DEPDC7: variants seen among roughly 807,000 people sequenced by gnomAD.
DEPDC7 encodes DEP domain-containing protein 7.
A neutral mutation model predicts 56.6 loss-of-function variants in DEPDC7; 41 were observed. That is an observed-to-expected ratio of 0.72 (90% CI 0.56 to 0.94). DEPDC7 has a LOEUF of 0.94. DEPDC7 is among the 40% of genes least tolerant of loss of function. The pLI is 0.00. For missense variants in DEPDC7, 522 were observed against 596.3 expected, an observed-to-expected ratio of 0.88 and a Z score of 1.30; for synonymous variants, 185 against 208.8, an observed-to-expected ratio of 0.89 and a Z score of 0.98.
At chr11:33,027,931 T>C (rs1853595345) in intron 3 of DEPDC7, 118 bp downstream of exon 3, 6 of 1,033,592 alleles carry the variant, frequency 5.8e-6, no homozygotes, top group Non-Finnish European at 8.0e-6. Flanking sequence ...AAGAGTGCAC[T>C]ATGTATTAAA....
At chr11:33,023,283 G>A (rs939310288) in intron 1 of DEPDC7, among the ~76,000 whole-genome samples, 1 of 152,008 alleles carries the variant, frequency 6.6e-6, no homozygotes, top group African/African-American at 2.4e-5. Context: ...ATAATAATGG[G>A]TAGGTGGTAA....
At position 33,031,561 on chromosome 11, in the gene DEPDC7, C is replaced by T. The variant is rs966191; in HGVS notation, c.966C>T (p.Asp322=). ...AACCTCTGTTAAATCACTTATCTGA[C>T]GTTCATAATGGAATTGCAGAACTCT... ...SREPLLNHLS[D]VHNGIAELLV... The change falls in exon 5 of 9, where the codon GAC becomes GAT. Residue 322 remains aspartate (D), a synonymous_variant. Transcript: ENST00000241051. 645,031 of 1,610,984 alleles carry T rather than the reference C, an allele frequency of 0.4. 131,014 individuals carry two copies. The highest frequency in any genetic ancestry group is 0.44 in the African/African-American group (33,171 of 74,870).
At position 33,032,911 on chromosome 11, in the gene DEPDC7, T is replaced by C. The variant is rs1853648471; in HGVS notation, c.1286T>C (p.Ile429Thr). 6.2e-7 allele frequency: 1 copy of C among 1,604,570 alleles called. No individual in the cohort carries two copies. ...AAGATTCCTGGAACTCTACATAAAA[T>C]TGTAAGTGTTAAGCTTATGGCCATA... Reference protein sequence around the residue: ...VFKIPGTLHKIVSVKLMAIQN... With the variant: ...VFKIPGTLHKTVSVKLMAIQN... The change falls in exon 8 of 9, where the codon ATT becomes ACT. Residue 429 changes from isoleucine (I) to threonine (T), a missense_variant. Transcript: ENST00000241051.
chr11:33,020,000 C>A (rs2133658006), intron 1 of DEPDC7, among the ~76,000 whole-genome samples: 1 of 151,246 alleles, frequency 6.6e-6, no homozygotes, highest in South Asian at 2.1e-4. Flanking sequence ...ACATTGGGAT[C>A]CAATTTTATA....
At chr11:33,016,410 C>A in intron 1 of DEPDC7, 1 of 1,522,484 alleles carries the variant, frequency 6.6e-7, no homozygotes, top group South Asian at 1.3e-5. Context: ...TAGTTCTTTG[C>A]CCCCTGTCTC....
Position 33,028,783 on chromosome 11 carries a change from G to T in DEPDC7, c.773G>T (p.Ser258Ile), listed in dbSNP as rs1318919695. 6.2e-7 allele frequency: 1 copy of T among 1,605,790 alleles called. No individual in the cohort carries two copies. The highest frequency in any genetic ancestry group is 1.3e-5 in the African/African-American group (1 of 74,460). Reference sequence around the variant, plus strand: ...GATCGAGGGATTCTCAAGGCTTATAGTGACTCTCAGTATGTGGAAATACAT... The same window carrying T: ...GATCGAGGGATTCTCAAGGCTTATATTGACTCTCAGTATGTGGAAATACAT... ...YLDRGILKAY[S>I]DSQEDEWLSA... The change falls in exon 4 of 9, where the codon AGT becomes ATT. Residue 258 changes from serine (S) to isoleucine (I), a missense_variant. By Grantham distance (142) the Ser-to-Ile change is moderately radical. Coordinates refer to ENST00000241051, the MANE Select transcript of DEPDC7 (RefSeq NM_001077242.2).
intron 3 of DEPDC7, 101 bp downstream of exon 3, chr11:33,027,914 A>G: frequency 8.0e-7 from 1 of 1,252,894 alleles, no homozygotes; most frequent in Non-Finnish European, 1.1e-6. Flanking sequence ...TATTCAAAGT[A>G]CAGAGAAAGA....
chr11:33,029,636 C>T (rs1157902360), intron 4 of DEPDC7, among the ~76,000 whole-genome samples: 2 of 151,924 alleles, frequency 1.3e-5, no homozygotes, highest in Non-Finnish European at 2.9e-5. Context: ...CTGTATTACT[C>T]ATAACTTTGA....
chr11:33,015,992 C>G lies in DEPDC7; in HGVS notation c.37C>G (p.Leu13Val). Residue 13 changes from leucine to valine, a missense_variant, in exon 1 of 9, where the codon CTC becomes GTC. Physicochemically the swap from Leu to Val is conservative, Grantham distance 32. Coordinates refer to ENST00000241051, the MANE Select transcript of DEPDC7 (RefSeq NM_001077242.2). ...TVQEKAAALN[L>V]SALHSPAHRP... ...GCAGGAGAAGGCTGCTGCGCTGAAC[C>G]TCTCGGCTCTCCACAGCCCCGCGCA... is the stretch of plus-strand genomic sequence containing the variant. 1 of 1,572,636 alleles carries G rather than the reference C, an allele frequency of 6.4e-7. No homozygotes were observed.
intron 1 of DEPDC7, 119 bp downstream of exon 1, chr11:33,016,147 C>T: frequency 1.6e-6 from 2 of 1,235,390 alleles, no homozygotes; most frequent in Non-Finnish European, 2.0e-6. Flanking sequence ...CAACGGCCGG[C>T]TGGGCGAGCA....
At chr11:33,032,993 G>T in intron 8 of DEPDC7, 26 bp downstream of exon 8, 2 of 1,510,664 alleles carry the variant, frequency 1.3e-6, no homozygotes, top group South Asian at 2.4e-5. Context: ...TTATTTTCAT[G>T]ATCTTCCAAA....
In DEPDC7 at chr11:33,016,455, GC is replaced by G; in HGVS notation, c.73+429del. The stretch of plus-strand genomic sequence containing the variant: ...CCTTGACGACACAGTATGGCCAGGG[GC>G]CGAGCTCCTCCCTTGCCCACTTTGT... On this transcript the variant is annotated intron_variant, in intron 1 of 8. Coordinates refer to ENST00000241051, the MANE Select transcript of DEPDC7 (RefSeq NM_001077242.2). The G allele has an allele frequency of 1.9e-6, 3 of 1,594,444 alleles. No homozygotes were observed. The Admixed American group carries it at 5.4e-5, about 29-fold the overall frequency.
At chr11:33,025,561 T>G (rs201178241) in intron 1 of DEPDC7, 98 bp from the exon 2 acceptor site, 1 of 1,175,936 alleles carries the variant, frequency 8.5e-7, no homozygotes, top group East Asian at 2.4e-5. Context: ...ATCAATAACT[T>G]TGGAAATTAC....
At chr11:33,025,524 A>G (rs1209889677) in intron 1 of DEPDC7, 135 bp from the exon 2 acceptor site, 1 of 806,066 alleles carries the variant, frequency 1.2e-6, no homozygotes, top group Admixed American at 2.8e-5. Flanking sequence ...ACAGTATTTC[A>G]GTAAGCTACC....
chr11:33,025,955 T>A lies in DEPDC7; in HGVS notation c.370T>A (p.Phe124Ile), dbSNP rs1433851233. 6.2e-7 allele frequency: 1 copy of A among 1,614,088 alleles called. No homozygotes were observed. The highest frequency in any genetic ancestry group is 1.1e-5 in the South Asian group (1 of 91,080). Reference protein sequence around the residue: ...KVFGKDKKPTFEDSSCSLYRF... With the variant: ...KVFGKDKKPTIEDSSCSLYRF... ...CTTTGGAAAAGACAAAAAACCTACA[T>A]TTGAAGATAGTAGTTGCAGCCTTTA... Residue 124 changes from phenylalanine (F) to isoleucine (I), a missense_variant, in exon 2 of 9, where the codon TTT becomes ATT. Physicochemically the swap from Phe to Ile is conservative, Grantham distance 21. Transcript: ENST00000241051.
chr11:33,016,276 C>T (rs2133654555), intron 1 of DEPDC7: 1 of 1,379,074 alleles, frequency 7.3e-7, no homozygotes, highest in East Asian at 2.7e-5. Flanking sequence ...TTTCTTTCTA[C>T]CCAGACTCTC....
At chr11:33,030,460 A>G (rs1357230294) in intron 4 of DEPDC7, among the ~76,000 whole-genome samples, 1 of 151,120 alleles carries the variant, frequency 6.6e-6, no homozygotes, top group African/African-American at 2.4e-5. Flanking sequence ...AACGATAGAT[A>G]GATAGATAGA....
intron 1 of DEPDC7, among the ~76,000 whole-genome samples, chr11:33,019,057 G>A (rs983872904): frequency 1.3e-5 from 2 of 152,170 alleles, no homozygotes; most frequent in Non-Finnish European, 2.9e-5. Flanking sequence ...CGGAACTCAG[G>A]TCCCTGGGAC....
Position 33,031,974 on chromosome 11 carries a change from G to T in DEPDC7, c.995-362G>T, listed in dbSNP as rs1853637644. Among the ~76,000 whole-genome samples the T allele has an allele frequency of 2.2e-5, 3 of 134,734 alleles. No homozygotes were observed. In the South Asian group the frequency reaches 6.7e-4, roughly 30 times the overall value. 88.4% of individuals were successfully genotyped at this position (134,734 alleles called of 152,430 possible). A position where few individuals can be genotyped will look rare whatever the true frequency, so the allele number is the denominator to read the frequency against. On this transcript the variant is annotated intron_variant, in intron 5 of 8. Transcript: ENST00000241051. ...ATAATTTGTTGGAAACAAATTGGAGGTTTCAGAAAATTTCTCTTATTTTTC... is the reference window on the plus strand; with the variant it reads ...ATAATTTGTTGGAAACAAATTGGAGTTTTCAGAAAATTTCTCTTATTTTTC...
Sources: allele counts gnomAD v4.1 joint callset (sites outside exome capture counted in the v4.1 genomes callset), GRCh38; gene constraint gnomAD v4.1.1; transcripts MANE v1.5; gene names NCBI Gene and HGNC (gene_info 2026-07-23, HGNC 2026-07-21).